The following NR6A1 variants were observed in gnomAD, a reference collection of about 807,000 sequenced individuals.
The protein encoded by NR6A1 is retinoic acid receptor-related testis-associated receptor.
A neutral mutation model predicts 59.1 loss-of-function variants in NR6A1; 7 were observed. That is an observed-to-expected ratio of 0.12 (90% CI 0.07 to 0.22). The LOEUF (loss-of-function observed/expected upper bound fraction) is 0.22. Among genes scored for constraint, NR6A1 ranks in the 10% least tolerant of loss-of-function variants. NR6A1 has a pLI of 1.00. For synonymous variants in NR6A1, 243 were observed against 236.1 expected, an observed-to-expected ratio of 1.03 and a Z score of -0.27; for missense variants, 468 against 611.6, an observed-to-expected ratio of 0.77 and a Z score of 2.48.
chr9:124,552,785 C>G lies in NR6A1; in HGVS notation c.385+1543G>C, dbSNP rs539503659. Among the ~76,000 whole-genome samples the G allele has an allele frequency of 6.0e-4, 91 of 152,170 alleles. 1 individual carries two copies. In the South Asian group the frequency reaches 0.018, roughly 31 times the overall value. ...TATGGAGGGTACATAAATAAGTGCT[C>G]AATATTAGTATTTATAATAAATTAT... On this transcript the variant is annotated intron_variant, in intron 3 of 9. Coordinates refer to ENST00000487099, the MANE Select transcript of NR6A1 (RefSeq NM_033334.4).
At position 124,519,826 on chromosome 9, in the gene NR6A1, C is replaced by T. The variant is rs1204218912; in HGVS notation, c.*2879G>A. The T allele has an allele frequency of 2.1e-5, 3 of 141,398 alleles. No individual in the cohort carries two copies. The highest frequency in any genetic ancestry group is 4.5e-4 in the East Asian group (2 of 4,402). 8.8% of individuals were successfully genotyped at this position (141,398 alleles called of 1,614,324 possible). A position where few individuals can be genotyped will look rare whatever the true frequency, so the allele number is the denominator to read the frequency against. ...CTGAGGCAGGAGAATGGCATGAACC[C>T]GGGAGGCGGAGCTTGCAGTGAGCCA... is the stretch of plus-strand genomic sequence containing the variant. On this transcript the variant is annotated 3_prime_UTR_variant, in exon 10 of 10. Coordinates refer to ENST00000487099, the MANE Select transcript of NR6A1 (RefSeq NM_033334.4).
chr9:124,525,621 A>G (rs1832910875), intron 8 of NR6A1, among the ~76,000 whole-genome samples: 1 of 151,838 alleles, frequency 6.6e-6, no homozygotes, highest in Non-Finnish European at 1.5e-5. Context: ...CCTCTCCAAG[A>G]GTTGGGATTA....
intron 2 of NR6A1, among the ~76,000 whole-genome samples, chr9:124,563,325 G>T (rs1242676516): frequency 6.6e-6 from 1 of 152,160 alleles, no homozygotes; most frequent in Non-Finnish European, 1.5e-5. Flanking sequence ...TCTGTGATGT[G>T]CAAGTGTGCA....
At chr9:124,759,436 T>G (rs1478231062) in intron 1 of NR6A1, among the ~76,000 whole-genome samples, 1 of 152,188 alleles carries the variant, frequency 6.6e-6, no homozygotes, top group African/African-American at 2.4e-5. Flanking sequence ...TTAAACACAC[T>G]GCTTGACTTA....
At chr9:124,671,203 T>A (rs1837785089) in intron 2 of NR6A1, among the ~76,000 whole-genome samples, 1 of 152,214 alleles carries the variant, frequency 6.6e-6, no homozygotes, top group Admixed American at 6.5e-5. Flanking sequence ...AGTGAATATA[T>A]ACTACTGAAC....
intron 2 of NR6A1, among the ~76,000 whole-genome samples, chr9:124,619,737 C>T (rs559756244): frequency 6.6e-6 from 1 of 152,162 alleles, no homozygotes; most frequent in South Asian, 2.1e-4. Flanking sequence ...GCACATATTG[C>T]CTTCAAAGGA....
intron 2 of NR6A1, among the ~76,000 whole-genome samples, chr9:124,671,790 T>C (rs1023156547): frequency 6.6e-6 from 1 of 152,238 alleles, no homozygotes; most frequent in African/African-American, 2.4e-5. Context: ...TAAACCCAGT[T>C]GCTGTCTAGC....
intron 2 of NR6A1, among the ~76,000 whole-genome samples, chr9:124,626,657 G>C (rs577891637): frequency 6.6e-6 from 1 of 151,994 alleles, no homozygotes; most frequent in African/African-American, 2.4e-5. Flanking sequence ...AGCTTCAGGC[G>C]GGGCGTGGTG....
chr9:124,598,878 T>G lies in NR6A1; in HGVS notation c.143-44308A>C. ...AACTTTGTTTTGAATTTCTGTGCAT[T>G]CTCAGCATTCAGGAAGCGGATGGCC... On this transcript the variant is annotated intron_variant, in intron 2 of 9. Transcript: ENST00000487099. 1.3e-5 allele frequency: 9 copies of G among 713,814 alleles called. No individual in the cohort carries two copies. In the South Asian group the frequency reaches 1.3e-4, roughly 10 times the overall value. The allele number at this position is 713,814 out of a possible 1,614,324, so 44.2% of individuals were successfully genotyped here.
At chr9:124,706,055 C>T (rs1382765688) in intron 2 of NR6A1, among the ~76,000 whole-genome samples, 1 of 152,178 alleles carries the variant, frequency 6.6e-6, no homozygotes, top group African/African-American at 2.4e-5. Context: ...GGATTACAGG[C>T]GTAAGCCACC....
At chr9:124,557,649 A>G (rs558333484) in intron 2 of NR6A1, among the ~76,000 whole-genome samples, 1 of 152,228 alleles carries the variant, frequency 6.6e-6, no homozygotes, top group South Asian at 2.1e-4. Flanking sequence ...AAATTAAAAC[A>G]GGTAAGGCCA....
At chr9:124,585,118 A>G (rs963061885) in intron 2 of NR6A1, among the ~76,000 whole-genome samples, 1 of 152,246 alleles carries the variant, frequency 6.6e-6, no homozygotes, top group African/African-American at 2.4e-5. Flanking sequence ...AAGCTAATGC[A>G]GAGCAAGGCC....
At chr9:124,574,199 A>G (rs1209577375) in intron 2 of NR6A1, among the ~76,000 whole-genome samples, 1 of 152,204 alleles carries the variant, frequency 6.6e-6, no homozygotes, top group Non-Finnish European at 1.5e-5. Context: ...GCTCAGAAAT[A>G]CTGTTGAATG....
chr9:124,691,806 G>C (rs1188609833), intron 2 of NR6A1, among the ~76,000 whole-genome samples: 1 of 152,164 alleles, frequency 6.6e-6, no homozygotes, highest in Non-Finnish European at 1.5e-5. Context: ...ATCAATCATG[G>C]AGGTCGAGGT....
intron 2 of NR6A1, among the ~76,000 whole-genome samples, chr9:124,624,768 T>G (rs1166055884): frequency 6.6e-6 from 1 of 152,248 alleles, no homozygotes; most frequent in African/African-American, 2.4e-5. Flanking sequence ...TGCGCAGTGC[T>G]CTGGGTTTTG....
rs559187449 is a variant in NR6A1, at chr9:124,519,714, C to T, written c.*2991G>A. The T allele has an allele frequency of 6.6e-6, 1 of 151,950 alleles. No individual in the cohort carries two copies. The highest frequency in any genetic ancestry group is 1.5e-5 in the Non-Finnish European group (1 of 68,036). The allele number at this position is 151,950 out of a possible 1,614,324, so 9.4% of individuals were successfully genotyped here. ...AGGAGATGGAGACCATCCTGGCTAA[C>T]GTGGTGAAACAATGTTTCTACTAAA... is the stretch of plus-strand genomic sequence containing the variant. On this transcript the variant is annotated 3_prime_UTR_variant, in exon 10 of 10. Transcript: ENST00000487099.
chr9:124,554,267 T>C (rs1833868316), intron 3 of NR6A1, 61 bp downstream of exon 3: 1 of 1,610,636 alleles, frequency 6.2e-7, no homozygotes, highest in Non-Finnish European at 8.5e-7. Flanking sequence ...ACTAAACAGC[T>C]GACACTAAAG....
chr9:124,760,499 T>C (rs1333314417), intron 1 of NR6A1, among the ~76,000 whole-genome samples: 1 of 152,134 alleles, frequency 6.6e-6, no homozygotes, highest in African/African-American at 2.4e-5. Flanking sequence ...GATACTATGC[T>C]TGGCAATTTA....
Position 124,537,142 on chromosome 9 carries a change from C to T in NR6A1, c.824+950G>A, listed in dbSNP as rs138022178. On this transcript the variant is annotated intron_variant, in intron 6 of 9. Transcript: ENST00000487099. ...GAGCTGGAGTGCAGTGGCGCAATCT[C>T]GGCTCACCGCAACCTCAGCTCGCTG... Among the ~76,000 whole-genome samples, 1,095 of 151,058 alleles carry T rather than the reference C, an allele frequency of 7.2e-3. 11 individuals are homozygous for T. The highest frequency in any genetic ancestry group is 8.5e-3 in the Non-Finnish European group (580 of 67,866).
Sources: allele counts gnomAD v4.1 joint callset (sites outside exome capture counted in the v4.1 genomes callset), GRCh38; gene constraint gnomAD v4.1.1; transcripts MANE v1.5; gene names NCBI Gene and HGNC (gene_info 2026-07-23, HGNC 2026-07-21).